The following SCNN1G variants were observed in gnomAD, a reference collection of about 807,000 sequenced individuals.
SCNN1G encodes the protein epithelial sodium channel subunit gamma.
In SCNN1G, 27 loss-of-function variants were observed where a neutral mutation model predicts 64.6. The ratio of observed to expected loss-of-function variants is 0.42; its 90% CI spans 0.31 to 0.58. SCNN1G has a LOEUF of 0.58. Among genes scored for constraint, SCNN1G ranks in the 20% least tolerant of loss-of-function variants. The probability of loss-of-function intolerance (pLI) is 0.18; values close to 1 mark genes in which losing one functional copy is unlikely to be tolerated. For missense variants in SCNN1G, 743 were observed against 823.4 expected (o/e 0.90, Z 1.19); for synonymous variants, 330 against 314.2 (o/e 1.05, Z -0.53).
chr16:23,214,646 C>A (rs1334682341), intron 11 of SCNN1G, 66 bp from the exon 12 acceptor site: 2 of 1,265,804 alleles, frequency 1.6e-6, no homozygotes, highest in Non-Finnish European at 1.2e-6. Flanking sequence ...AGGGAGACAG[C>A]CATGCTGAGG....
chr16:23,198,388 C>A (rs1465563539), intron 6 of SCNN1G, among the ~76,000 whole-genome samples: 1 of 152,118 alleles, frequency 6.6e-6, no homozygotes, highest in Non-Finnish European at 1.5e-5. Context: ...TCTTTTTATT[C>A]CAGTATCTAT....
At chr16:23,197,155 G>A (rs1333999759) in intron 5 of SCNN1G, 109 bp from the exon 6 acceptor site, 5 of 893,816 alleles carry the variant, frequency 5.6e-6, no homozygotes, top group Non-Finnish European at 9.1e-6. Flanking sequence ...TCACTTGCTA[G>A]AAATACCTGG....
In SCNN1G at chr16:23,189,671, G is replaced by T; in HGVS notation, c.618G>T (p.Leu206=). The T allele has an allele frequency of 6.2e-7, 1 of 1,614,052 alleles. No homozygotes were observed. The highest frequency in any genetic ancestry group is 8.5e-7 in the Non-Finnish European group (1 of 1,179,898). The change falls in exon 3 of 13, where the codon CTG becomes CTT. Residue 206 remains leucine, a splice_region_variant and synonymous_variant. Coordinates refer to ENST00000300061, the MANE Select transcript of SCNN1G (RefSeq NM_001039.4). The part of the protein sequence containing the change: ...IESKQVVGFQ[L]CSNDTSDCAT... The stretch of plus-strand genomic sequence containing the variant: ...CCAAGCAAGTGGTGGGATTCCAACT[G>T]GTAAGATTTCACCTTCTCATTCTTT...
chr16:23,211,606 T>C (rs960825521), intron 7 of SCNN1G, among the ~76,000 whole-genome samples: 1 of 152,030 alleles, frequency 6.6e-6, no homozygotes, highest in Non-Finnish European at 1.5e-5. Flanking sequence ...GGTCAGGAGT[T>C]TGAGACCAGC....
intron 6 of SCNN1G, among the ~76,000 whole-genome samples, chr16:23,207,851 C>G (rs1567268018): frequency 2.0e-5 from 3 of 152,264 alleles, no homozygotes; most frequent in South Asian, 2.1e-4. Context: ...TAGTTTCCAC[C>G]TGCCTCAAAC....
chr16:23,214,402 GCAAT>G (rs1312974945), intron 11 of SCNN1G, among the ~76,000 whole-genome samples: 1 of 152,200 alleles, frequency 6.6e-6, no homozygotes, highest in African/African-American at 2.4e-5. Context: ...ACTTGAGATT[GCAAT>G]CAATCAATTA....
chr16:23,192,327 G>A (rs1226161920), intron 3 of SCNN1G, 25 bp from the exon 4 acceptor site: 4 of 1,599,978 alleles, frequency 2.5e-6, no homozygotes, highest in East Asian at 2.2e-5. Flanking sequence ...GATGGCTTCA[G>A]CCTCGCATCT....
rs748943506 is a variant in SCNN1G, at chr16:23,194,253, T to C, written c.892T>C (p.Ser298Pro). The change falls in exon 5 of 13, where the codon TCC becomes CCC. Residue 298 changes from serine to proline, a missense_variant. By Grantham distance (74) the Ser-to-Pro change is moderately conservative. Coordinates refer to ENST00000300061, the MANE Select transcript of SCNN1G (RefSeq NM_001039.4). ...AGAAAATGAGACCATTCTCAGCACC[T>C]CCATGGGGGGCAGCGAATATGGTAA... ...NRENETILSTSMGGSEYGLQV... is the reference protein window; with the variant it reads ...NRENETILSTPMGGSEYGLQV... 6.2e-7 allele frequency: 1 copy of C among 1,611,480 alleles called. No individual in the cohort carries two copies. Among genetic ancestry groups the C allele is most frequent in the Non-Finnish European group, 8.5e-7 (1 of 1,177,664 alleles).
intron 6 of SCNN1G, among the ~76,000 whole-genome samples, chr16:23,209,465 A>G (rs780566076): frequency 3.9e-5 from 6 of 152,100 alleles, no homozygotes; most frequent in Admixed American, 6.5e-5. Flanking sequence ...GATTTATCCA[A>G]AATATCTTGT....
In SCNN1G at chr16:23,187,797, A is replaced by G. The variant is rs1026368135; in HGVS notation, c.317+1209A>G. ...TAAATGGGTCATCAGAGTCCTTCTC[A>G]GGATTATGGAAAACTGGTCCGTGAG... is the stretch of plus-strand genomic sequence containing the variant. On this transcript the variant is annotated intron_variant, in intron 2 of 12. Transcript: ENST00000300061. Among the ~76,000 whole-genome samples, 3 of 152,176 alleles carry G rather than the reference A, an allele frequency of 2.0e-5. No individual in the cohort carries two copies. The East Asian group carries it at 5.8e-4, about 29-fold the overall frequency.
intron 6 of SCNN1G, among the ~76,000 whole-genome samples, chr16:23,201,324 A>G (rs1959885875): frequency 6.6e-6 from 1 of 152,180 alleles, no homozygotes; most frequent in Admixed American, 6.6e-5. Flanking sequence ...AAGTATAAGA[A>G]CTAAGGAATT....
chr16:23,212,167 C>A lies in SCNN1G; in HGVS notation c.1294+16C>A. ...CCCAACTGGAGTGAGTGAGACCCAG[C>A]TCCAGCCTTGCATGCCCCAGGACCA... On this transcript the variant is annotated intron_variant, in intron 8 of 12. Coordinates refer to ENST00000300061, the MANE Select transcript of SCNN1G (RefSeq NM_001039.4). The A allele has an allele frequency of 6.5e-7, 1 of 1,543,472 alleles. No individual in the cohort carries two copies. Among genetic ancestry groups the A allele is most frequent in the African/African-American group, 1.4e-5 (1 of 73,760 alleles).
Position 23,214,451 on chromosome 16 carries a change from T to A in SCNN1G, c.1494-261T>A, listed in dbSNP as rs1041550214. Among the ~76,000 whole-genome samples the A allele has an allele frequency of 2.0e-5, 3 of 152,340 alleles. No individual in the cohort carries two copies. In the South Asian group the frequency reaches 6.2e-4, roughly 32 times the overall value. On this transcript the variant is annotated intron_variant, in intron 11 of 12. Coordinates refer to ENST00000300061, the MANE Select transcript of SCNN1G (RefSeq NM_001039.4). Reference sequence around the variant, plus strand: ...ATGTTTAATGAAGAACAGGGTACAATGGCAGTATGGCTGGGTCGACTGACT... The same window carrying A: ...ATGTTTAATGAAGAACAGGGTACAAAGGCAGTATGGCTGGGTCGACTGACT...
intron 6 of SCNN1G, among the ~76,000 whole-genome samples, chr16:23,205,909 T>A (rs1254303211): frequency 6.6e-6 from 1 of 151,992 alleles, no homozygotes; most frequent in Non-Finnish European, 1.5e-5. Context: ...CACTTTAGCC[T>A]GTTGACTGGG....
chr16:23,211,970 G>A, intron 7 of SCNN1G, 64 bp from the exon 8 acceptor site: 1 of 1,187,288 alleles, frequency 8.4e-7, no homozygotes, highest in Non-Finnish European at 1.3e-6. Flanking sequence ...TGAGGGATGT[G>A]CAGGAAACTC....
At chr16:23,196,884 C>T (rs2141934357) in intron 5 of SCNN1G, among the ~76,000 whole-genome samples, 1 of 152,314 alleles carries the variant, frequency 6.6e-6, no homozygotes. Context: ...AGTGCCCACC[C>T]TGAGGGGTTA....
rs117730960 is a variant in SCNN1G at position 23,198,671 on chromosome 16, C to T, written c.1077+1244C>T. Among the ~76,000 whole-genome samples, 838 of 149,846 alleles carry T rather than the reference C, an allele frequency of 5.6e-3. 10 individuals carry two copies. Among genetic ancestry groups the T allele is most frequent in the Non-Finnish European group, 4.5e-3 (306 of 67,562 alleles). ...GAGGATCACCTGACCTCAGGGAGGT[C>T]GAGGCTTCAGTGAGCCATGATTGTA... On this transcript the variant is annotated intron_variant, in intron 6 of 12. Coordinates refer to ENST00000300061, the MANE Select transcript of SCNN1G (RefSeq NM_001039.4).
At chr16:23,202,876 G>A (rs1304737350) in intron 6 of SCNN1G, among the ~76,000 whole-genome samples, 1 of 152,164 alleles carries the variant, frequency 6.6e-6, no homozygotes. Context: ...TTCGATTTGG[G>A]ACAGACCCAA....
Position 23,203,404 on chromosome 16 carries a change from G to A in SCNN1G, c.1077+5977G>A, listed in dbSNP as rs540080903. Among the ~76,000 whole-genome samples the A allele has an allele frequency of 2.6e-5, 4 of 152,242 alleles. No individual in the cohort carries two copies. In the South Asian group the frequency reaches 8.3e-4, roughly 32 times the overall value. ...GAGACTCCATGTCATTACAAATCCTGTTGTACATTTTGATTCTAAAGCACA... is the reference window on the plus strand; with the variant it reads ...GAGACTCCATGTCATTACAAATCCTATTGTACATTTTGATTCTAAAGCACA... On this transcript the variant is annotated intron_variant, in intron 6 of 12. Coordinates refer to ENST00000300061, the MANE Select transcript of SCNN1G (RefSeq NM_001039.4).
Sources: gnomAD v4.1 joint callset for allele counts (sites outside exome capture counted in the v4.1 genomes callset) on GRCh38, gnomAD v4.1.1 for gene constraint, MANE v1.5 for transcripts, NCBI Gene and HGNC (gene_info 2026-07-23, HGNC 2026-07-21) for gene names.